Variants in VPS13D observed in about 807,000 individuals in gnomAD.
VPS13D encodes vacuolar protein sorting 13 homolog D.
In VPS13D, 187 loss-of-function variants were observed where a neutral mutation model predicts 461.9. That is an observed-to-expected ratio of 0.40 (90% CI 0.36 to 0.46). The LOEUF is 0.46. VPS13D is among the 20% of genes least tolerant of loss of function. The pLI, the probability that VPS13D is intolerant of heterozygous loss-of-function variation, is 0.60. For missense variants in VPS13D, 4,711 were observed against 5,364.9 expected (o/e 0.88, Z 3.81); for synonymous variants, 1,951 against 1,986.3 (o/e 0.98, Z 0.47).
chr1:12,354,626 C>A (rs938168408), intron 47 of VPS13D, among the ~76,000 whole-genome samples: 1 of 152,168 alleles, frequency 6.6e-6, no homozygotes, highest in African/African-American at 2.4e-5. Flanking sequence ...TTTTTTCTTA[C>A]ATTGCTACAT....
chr1:12,314,015 G>A lies in VPS13D; in HGVS notation c.6936-100G>A, dbSNP rs1313153899. 3.2e-6 allele frequency: 3 copies of A among 949,388 alleles called. No homozygotes were observed. In the Admixed American group the frequency reaches 6.5e-5, roughly 21 times the overall value. 58.8% of individuals were successfully genotyped at this position (949,388 alleles called of 1,614,324 possible). A position where few individuals can be genotyped will look rare whatever the true frequency, so the allele number is the denominator to read the frequency against. The stretch of plus-strand genomic sequence containing the variant: ...AAAGTTATTCTCCTTATGGGACTTA[G>A]ATATATTTTTGATTTTGCTCGTTAT... On this transcript the variant is annotated intron_variant, in intron 29 of 69. Transcript: ENST00000620676.
At chr1:12,467,681 TG>T (rs1462172480) in intron 67 of VPS13D, among the ~76,000 whole-genome samples, 2 of 152,210 alleles carry the variant, frequency 1.3e-5, no homozygotes, top group Non-Finnish European at 2.9e-5. Flanking sequence ...TCAGATCTAT[TG>T]TTGGAAAAAA....
chr1:12,382,237 G>T (rs1644292844), intron 57 of VPS13D, among the ~76,000 whole-genome samples: 1 of 151,942 alleles, frequency 6.6e-6, no homozygotes, highest in African/African-American at 2.4e-5. Flanking sequence ...GAGTAGCTGG[G>T]ATTACAGTTG....
chr1:12,266,800 TA>T, intron 13 of VPS13D, 80 bp from the exon 14 acceptor site: 1 of 1,240,046 alleles, frequency 8.1e-7, no homozygotes, highest in Admixed American at 2.9e-5. Context: ...TAATCTTCTG[TA>T]AAATAGAATA....
At chr1:12,462,876 G>GC (rs1317912194) in intron 67 of VPS13D, among the ~76,000 whole-genome samples, 1 of 152,098 alleles carries the variant, frequency 6.6e-6, no homozygotes, top group African/African-American at 2.4e-5. Flanking sequence ...CCTCATGAAG[G>GC]CACTGGGGAG....
chr1:12,407,226 AT>A (rs1459158523), intron 63 of VPS13D: 4 of 152,274 alleles, frequency 2.6e-5, no homozygotes, highest in African/African-American at 9.6e-5. Context: ...TGTACCATAA[AT>A]AAACCTTTAA....
chr1:12,384,616 T>A (rs1644327101), intron 58 of VPS13D, among the ~76,000 whole-genome samples: 5 of 151,962 alleles, frequency 3.3e-5, no homozygotes, highest in Admixed American at 3.3e-4. Context: ...CAACACCACT[T>A]TTTATTTATT....
intron 38 of VPS13D, among the ~76,000 whole-genome samples, chr1:12,334,106 T>C (rs575655787): frequency 2.9e-4 from 44 of 152,372 alleles, no homozygotes; most frequent in African/African-American, 1.0e-3. Context: ...GTATGTTGGA[T>C]TGAGGCTGTT....
At chr1:12,503,017 C>T (rs540704122) in intron 68 of VPS13D, among the ~76,000 whole-genome samples, 1 of 152,262 alleles carries the variant, frequency 6.6e-6, no homozygotes, top group African/African-American at 2.4e-5. Flanking sequence ...GTGGCTGGCT[C>T]CCCTGGCGAG....
chr1:12,335,637 T>G lies in VPS13D; in HGVS notation c.8429-68T>G. 4 of 1,535,352 alleles carry G rather than the reference T, an allele frequency of 2.6e-6. No individual in the cohort carries two copies. In the South Asian group the frequency reaches 5.1e-5, roughly 20 times the overall value. ...TCAATAAAAGCTTGTTTTGCTGAAT[T>G]GAAATTATTTGACTCGAACCCTCCA... On this transcript the variant is annotated intron_variant, in intron 38 of 69. Transcript: ENST00000620676.
intron 60 of VPS13D, among the ~76,000 whole-genome samples, chr1:12,397,145 G>T (rs1209469906): frequency 6.6e-6 from 1 of 152,146 alleles, no homozygotes; most frequent in African/African-American, 2.4e-5. Flanking sequence ...TGTTGGCCAG[G>T]CTGGTCTTGA....
At chr1:12,488,432 CTG>C (rs902160698) in intron 67 of VPS13D, among the ~76,000 whole-genome samples, 2 of 152,084 alleles carry the variant, frequency 1.3e-5, no homozygotes, top group African/African-American at 4.8e-5. Flanking sequence ...GGATTTCAGC[CTG>C]TGTTTGTCTT....
intron 63 of VPS13D, among the ~76,000 whole-genome samples, chr1:12,414,373 C>A (rs1169021428): frequency 6.6e-6 from 1 of 152,100 alleles, no homozygotes; most frequent in African/African-American, 2.4e-5. Context: ...TTGAACTTTT[C>A]ATCAACAATG....
chr1:12,353,457 C>T (rs774030664), intron 46 of VPS13D, among the ~76,000 whole-genome samples: 4 of 141,756 alleles, frequency 2.8e-5, no homozygotes, highest in East Asian at 4.4e-4. Context: ...GGCATGAACC[C>T]GGGAGGTGGA....
chr1:12,237,325 A>G (rs1358452309), intron 2 of VPS13D, among the ~76,000 whole-genome samples: 1 of 132,310 alleles, frequency 7.6e-6, no homozygotes, highest in Non-Finnish European at 1.5e-5. Context: ...TCCCTTTTCT[A>G]CAAAAAAAAA....
chr1:12,269,005 T>G (rs1319690940), intron 16 of VPS13D, 129 bp downstream of exon 16: 24 of 1,043,972 alleles, frequency 2.3e-5, no homozygotes, highest in Non-Finnish European at 1.2e-5. Flanking sequence ...AGTAAGTCAA[T>G]AGGGTTGCCC....
intron 5 of VPS13D, among the ~76,000 whole-genome samples, chr1:12,245,648 G>A (rs921530083): frequency 2.6e-5 from 4 of 152,064 alleles, no homozygotes; most frequent in Non-Finnish European, 5.9e-5. Context: ...GACTTGAGCC[G>A]AGGAGTTGGG....
At chr1:12,474,432 T>A (rs1362048423) in intron 67 of VPS13D, among the ~76,000 whole-genome samples, 2 of 151,828 alleles carry the variant, frequency 1.3e-5, no homozygotes, top group Non-Finnish European at 2.9e-5. Flanking sequence ...TCTGTCTGAC[T>A]CCCACCAGGA....
intron 17 of VPS13D, 25 bp from the exon 18 acceptor site, chr1:12,272,978 G>T: frequency 6.2e-7 from 1 of 1,609,946 alleles, no homozygotes; most frequent in Middle Eastern, 1.7e-4. Context: ...GGCAGTTATG[G>T]TTAATGACTG....
Sources: gnomAD v4.1 joint callset for allele counts (sites outside exome capture counted in the v4.1 genomes callset) on GRCh38, gnomAD v4.1.1 for gene constraint, MANE v1.5 for transcripts, NCBI Gene and HGNC (gene_info 2026-07-23, HGNC 2026-07-21) for gene names.